The following MYLK variants were observed in gnomAD, a reference collection of about 807,000 sequenced individuals.
The protein encoded by MYLK is myosin light chain kinase, smooth muscle.
MYLK carries 106 observed loss-of-function variants against 203.4 expected under a neutral mutation model. The ratio of observed to expected loss-of-function variants is 0.52; its 90% CI spans 0.45 to 0.61. The LOEUF is 0.61. Ranked by LOEUF, MYLK falls within the 20% of genes least tolerant of loss-of-function variation. The probability of loss-of-function intolerance (pLI) is 0.00; values close to 1 mark genes in which losing one functional copy is unlikely to be tolerated. For synonymous variants in MYLK, 867 were observed against 959.5 expected, an observed-to-expected ratio of 0.90 and a Z score of 1.78; for missense variants, 2,072 against 2,442.3, an observed-to-expected ratio of 0.85 and a Z score of 3.20.
chr3:123,833,283 A>G (rs1008937979), intron 2 of MYLK, among the ~76,000 whole-genome samples: 1 of 152,198 alleles, frequency 6.6e-6, no homozygotes, highest in African/African-American at 2.4e-5. Context: ...AGGCAATCCC[A>G]GCAGGACATC....
intron 4 of MYLK, among the ~76,000 whole-genome samples, chr3:123,775,895 T>G (rs2064056909): frequency 6.6e-6 from 1 of 152,198 alleles, no homozygotes; most frequent in African/African-American, 2.4e-5. Flanking sequence ...AATCACCTAC[T>G]GTGTGTCAGG....
chr3:123,753,041 G>A lies in MYLK; in HGVS notation c.166-503C>T, dbSNP rs143327355. Among the ~76,000 whole-genome samples the A allele has an allele frequency of 2.1e-3, 313 of 152,254 alleles. 1 individual carries two copies. The highest frequency in any genetic ancestry group is 7.1e-3 in the African/African-American group (295 of 41,540). On this transcript the variant is annotated intron_variant, in intron 4 of 33. Transcript: ENST00000360304. The stretch of plus-strand genomic sequence containing the variant: ...CTCACAGATGCTACTGATGCTGCTG[G>A]TCCCTGGAACTCACCTTGAGTAGCA...
intron 4 of MYLK, among the ~76,000 whole-genome samples, chr3:123,758,274 A>C (rs2063423594): frequency 6.6e-6 from 1 of 152,202 alleles, no homozygotes; most frequent in African/African-American, 2.4e-5. Flanking sequence ...CCCATTGCCA[A>C]CAGTCAAAAG....
At position 123,726,995 on chromosome 3, in the gene MYLK, G is replaced by A. The variant is rs534233469; in HGVS notation, c.1517-917C>T. Among the ~76,000 whole-genome samples the A allele has an allele frequency of 2.0e-5, 3 of 152,268 alleles. No homozygotes were observed. The South Asian group carries it at 6.2e-4, about 32-fold the overall frequency. ...TCATATTATACTGCAGGGGTTTATG[G>A]GCAAGAAAGCTAATAAGATGTGAGG... On this transcript the variant is annotated intron_variant, in intron 11 of 33. Coordinates refer to ENST00000360304, the MANE Select transcript of MYLK (RefSeq NM_053025.4).
At chr3:123,701,599 C>T (rs567188469) in intron 16 of MYLK, 90 bp from the exon 17 acceptor site, 13 of 1,380,648 alleles carry the variant, frequency 9.4e-6, no homozygotes, top group South Asian at 4.7e-5. Context: ...TGCTGGCCAG[C>T]GGGGAAGATG....
rs187328093 is a variant in MYLK, at chr3:123,775,272, A to T, written c.165+18405T>A. Among the ~76,000 whole-genome samples the T allele has an allele frequency of 3.0e-3, 456 of 152,248 alleles. 2 individuals carry two copies. The highest frequency in any genetic ancestry group is 4.5e-3 in the Non-Finnish European group (305 of 68,012). ...GGTCTCGAACTGCTGGCTTCAAGCA[A>T]TCCTCCCCCAACAGCCTCCTGAAGT... On this transcript the variant is annotated intron_variant, in intron 4 of 33. Coordinates refer to ENST00000360304, the MANE Select transcript of MYLK (RefSeq NM_053025.4).
At chr3:123,696,495 C>T (rs1031535524) in intron 18 of MYLK, among the ~76,000 whole-genome samples, 2 of 151,988 alleles carry the variant, frequency 1.3e-5, no homozygotes. Context: ...CCCCTAGAAG[C>T]CTCCTCCAAC....
At chr3:123,769,484 A>T (rs1227068110) in intron 4 of MYLK, among the ~76,000 whole-genome samples, 3 of 152,182 alleles carry the variant, frequency 2.0e-5, no homozygotes, top group Non-Finnish European at 4.4e-5. Flanking sequence ...TTGTCTCCAC[A>T]CTCAGCATGG....
At chr3:123,807,723 A>G (rs1466458726) in intron 3 of MYLK, among the ~76,000 whole-genome samples, 1 of 152,180 alleles carries the variant, frequency 6.6e-6, no homozygotes, top group Non-Finnish European at 1.5e-5. Context: ...TTCCCCATGC[A>G]CAGAGAGGTT....
chr3:123,788,610 T>G (rs1366928144), intron 4 of MYLK, among the ~76,000 whole-genome samples: 1 of 145,156 alleles, frequency 6.9e-6, no homozygotes, highest in East Asian at 2.1e-4. Context: ...ATTGTTAAAG[T>G]GCTAAACATG....
chr3:123,729,555 C>G (rs2062405371), intron 11 of MYLK, among the ~76,000 whole-genome samples: 1 of 152,132 alleles, frequency 6.6e-6, no homozygotes, highest in African/African-American at 2.4e-5. Flanking sequence ...AAATGATGCT[C>G]AAAATCACTA....
chr3:123,882,859 AC>A (rs2033629038), intron 1 of MYLK, among the ~76,000 whole-genome samples: 3 of 152,216 alleles, frequency 2.0e-5, no homozygotes, highest in Admixed American at 6.5e-5. Context: ...ATCATCCTCC[AC>A]AGTCCCACAG....
intron 23 of MYLK, among the ~76,000 whole-genome samples, chr3:123,659,089 AT>A (rs1268490190): frequency 6.6e-6 from 1 of 152,124 alleles, no homozygotes. Context: ...TTTTTGAAAC[AT>A]TTCTGGTTTT....
At chr3:123,676,966 T>C (rs1293827633) in intron 20 of MYLK, among the ~76,000 whole-genome samples, 1 of 152,206 alleles carries the variant, frequency 6.6e-6, no homozygotes, top group African/African-American at 2.4e-5. Flanking sequence ...AGGCCACTTC[T>C]TAAGCCCCAT....
intron 2 of MYLK, among the ~76,000 whole-genome samples, chr3:123,847,465 C>A (rs918693666): frequency 6.6e-6 from 1 of 152,070 alleles, no homozygotes; most frequent in Non-Finnish European, 1.5e-5. Flanking sequence ...CAATAAAGGG[C>A]ATTCTTGTCT....
rs899008049 is a variant in MYLK at position 123,655,073 on chromosome 3, A to G, written c.4288+2053T>C. Among the ~76,000 whole-genome samples, 3 of 152,300 alleles carry G rather than the reference A, an allele frequency of 2.0e-5. No homozygotes were observed. In the East Asian group the frequency reaches 5.8e-4, roughly 29 times the overall value. ...TGTTCTTCACATAAAACTTCTTGAA[A>G]TAATATTCCATGCTTCTGGCCTCTC... On this transcript the variant is annotated intron_variant, in intron 24 of 33. Transcript: ENST00000360304.
chr3:123,692,147 C>A (rs557557170), intron 19 of MYLK: 33 of 241,242 alleles, frequency 1.4e-4, no homozygotes, highest in African/African-American at 6.6e-4. Context: ...ACAGAAACTC[C>A]GCTAAGACCT....
At chr3:123,805,787 C>CA (rs2065345992) in intron 3 of MYLK, among the ~76,000 whole-genome samples, 1 of 152,254 alleles carries the variant, frequency 6.6e-6, no homozygotes, top group East Asian at 1.9e-4. Flanking sequence ...CTTAACTTCT[C>CA]TAAACCTCAA....
chr3:123,770,491 A>G (rs571334507), intron 4 of MYLK, among the ~76,000 whole-genome samples: 1 of 152,346 alleles, frequency 6.6e-6, no homozygotes, highest in East Asian at 1.9e-4. Flanking sequence ...CCATATTAAC[A>G]GAGCATGGTG....
Sources: allele counts gnomAD v4.1 joint callset (sites outside exome capture counted in the v4.1 genomes callset), GRCh38; gene constraint gnomAD v4.1.1; transcripts MANE v1.5; gene names NCBI Gene and HGNC (gene_info 2026-07-23, HGNC 2026-07-21).